CACNG4: variants seen among roughly 807,000 people sequenced by gnomAD.
The protein encoded by CACNG4 is voltage-dependent calcium channel gamma-4 subunit.
Under a neutral mutation model 22.9 loss-of-function variants are expected in CACNG4, and 8 were observed. The observed-to-expected ratio is 0.35, with a 90% CI of 0.21 to 0.63. CACNG4 has a LOEUF of 0.63. Among genes scored for constraint, CACNG4 ranks in the 30% least tolerant of loss-of-function variants. The pLI, the probability that CACNG4 is intolerant of heterozygous loss-of-function variation, is 0.72. For synonymous variants in CACNG4, 188 were observed against 191.9 expected (o/e 0.98, Z 0.17); for missense variants, 357 against 455.4 (o/e 0.78, Z 1.97).
chr17:66,994,413 CGCGTGTTTGCCTTGCCCTCACCCT>C (rs1184484918), intron 1 of CACNG4, among the ~76,000 whole-genome samples: 1 of 152,058 alleles, frequency 6.6e-6, no homozygotes, highest in Non-Finnish European at 1.5e-5. Context: ...GTCAGGACCT[CGCGTGTTTGCCTTGCCCTCACCCT>C]GGGAGATAGA....
intron 1 of CACNG4, among the ~76,000 whole-genome samples, chr17:66,993,081 A>T (rs2035351248): frequency 6.6e-6 from 1 of 152,078 alleles, no homozygotes; most frequent in African/African-American, 2.4e-5. Context: ...TCAGGGTGGC[A>T]CCTGTGGTGC....
At chr17:67,019,080 G>A (rs988007625) in intron 2 of CACNG4, among the ~76,000 whole-genome samples, 3 of 152,108 alleles carry the variant, frequency 2.0e-5, no homozygotes, top group African/African-American at 7.2e-5. Flanking sequence ...CATTAACCAA[G>A]ACACACAAAG....
chr17:66,981,693 C>T (rs1199291674), intron 1 of CACNG4, among the ~76,000 whole-genome samples: 2 of 152,208 alleles, frequency 1.3e-5, no homozygotes, highest in Non-Finnish European at 2.9e-5. Context: ...GCTGCTTATC[C>T]ATTCAACACC....
intron 1 of CACNG4, among the ~76,000 whole-genome samples, chr17:66,965,594 G>GTCTGTGCT (rs1226047282): frequency 6.6e-6 from 1 of 150,494 alleles, no homozygotes; most frequent in Non-Finnish European, 1.5e-5. Context: ...GGCAACCGGT[G>GTCTGTGCT]TCTGTGCTAT....
intron 1 of CACNG4, among the ~76,000 whole-genome samples, chr17:66,990,359 C>T (rs2035331824): frequency 6.6e-6 from 1 of 152,202 alleles, no homozygotes; most frequent in Admixed American, 6.5e-5. Flanking sequence ...TCTCTGATTT[C>T]TTCCCCTCCA....
intron 1 of CACNG4, among the ~76,000 whole-genome samples, chr17:66,978,192 C>T (rs2035249563): frequency 6.6e-6 from 1 of 152,182 alleles, no homozygotes; most frequent in Non-Finnish European, 1.5e-5. Flanking sequence ...GGGCCTTAAG[C>T]CAGTCATTGC....
chr17:67,014,956 A>AAG lies in CACNG4; in HGVS notation c.221-3232_221-3231insGA, dbSNP rs10699268. Among the ~76,000 whole-genome samples, 1,467 of 150,448 alleles carry AAG rather than the reference A, an allele frequency of 9.8e-3. 31 individuals carry two copies. Among genetic ancestry groups the AAG allele is most frequent in the African/African-American group, 0.035 (1,404 of 40,278 alleles). Reference sequence around the variant, plus strand: ...CATCTCCAAAAACAAAAAAAAAAAAAAAAGAAAGAAAGAAAGAAATAGCTG... The same window carrying AAG: ...CATCTCCAAAAACAAAAAAAAAAAAAAGAAAGAAAGAAAGAAAGAAATAGCTG... On this transcript the variant is annotated intron_variant, in intron 1 of 3. Coordinates refer to ENST00000262138, the MANE Select transcript of CACNG4 (RefSeq NM_014405.4).
intron 1 of CACNG4, among the ~76,000 whole-genome samples, chr17:66,997,931 A>G (rs751814459): frequency 2.0e-5 from 3 of 152,154 alleles, no homozygotes; most frequent in Non-Finnish European, 4.4e-5. Flanking sequence ...GAAGGAAGGG[A>G]AGGAGGAGGA....
chr17:67,009,422 C>T (rs1028810475), intron 1 of CACNG4, among the ~76,000 whole-genome samples: 3 of 152,156 alleles, frequency 2.0e-5, no homozygotes, highest in Admixed American at 1.3e-4. Context: ...CCAAGAACAT[C>T]GCTTATCATT....
chr17:66,989,546 A>G (rs929056243), intron 1 of CACNG4, among the ~76,000 whole-genome samples: 2 of 151,560 alleles, frequency 1.3e-5, no homozygotes, highest in Non-Finnish European at 2.9e-5. Context: ...CCATTCGAGG[A>G]TAAACTTCTG....
intron 2 of CACNG4, among the ~76,000 whole-genome samples, chr17:67,023,825 C>T (rs1223606315): frequency 1.3e-5 from 2 of 152,176 alleles, no homozygotes; most frequent in African/African-American, 2.4e-5. Flanking sequence ...GATCTGCCTG[C>T]CTTGGCCTCC....
intron 2 of CACNG4, chr17:67,021,476 T>G (rs2035531653): frequency 6.6e-6 from 1 of 152,308 alleles, no homozygotes; most frequent in Non-Finnish European, 1.5e-5. Context: ...CCCCGAGCCA[T>G]GCTTTCTGAA....
chr17:67,002,220 T>C (rs1252067409), intron 1 of CACNG4, among the ~76,000 whole-genome samples: 1 of 152,172 alleles, frequency 6.6e-6, no homozygotes, highest in South Asian at 2.1e-4. Flanking sequence ...CAAGAGAGCG[T>C]GTGCAGGGGA....
chr17:66,998,376 C>T (rs2035387726), intron 1 of CACNG4, among the ~76,000 whole-genome samples: 1 of 152,156 alleles, frequency 6.6e-6, no homozygotes, highest in African/African-American at 2.4e-5. Flanking sequence ...TGCACACCAC[C>T]ATGCCTAATT....
chr17:66,998,763 G>C (rs1029141580), intron 1 of CACNG4, among the ~76,000 whole-genome samples: 7 of 152,206 alleles, frequency 4.6e-5, no homozygotes, highest in African/African-American at 1.7e-4. Flanking sequence ...TTTCATTTGG[G>C]AACAATCTGC....
At chr17:67,015,284 A>G (rs936351311) in intron 1 of CACNG4, among the ~76,000 whole-genome samples, 4 of 152,194 alleles carry the variant, frequency 2.6e-5, no homozygotes, top group Non-Finnish European at 4.4e-5. Context: ...CAAAGCTTAC[A>G]TGCTGTATCA....
At chr17:66,998,275 T>A (rs2035387096) in intron 1 of CACNG4, among the ~76,000 whole-genome samples, 1 of 152,134 alleles carries the variant, frequency 6.6e-6, no homozygotes, top group Non-Finnish European at 1.5e-5. Context: ...CAGGCTGAAG[T>A]GCAGTGGTGC....
chr17:67,016,548 T>C (rs1451943145), intron 1 of CACNG4, among the ~76,000 whole-genome samples: 2 of 152,074 alleles, frequency 1.3e-5, no homozygotes, highest in Admixed American at 6.5e-5. Context: ...GCATGAGAGG[T>C]GGACGTGCAC....
chr17:66,983,832 G>A (rs971583306), intron 1 of CACNG4, among the ~76,000 whole-genome samples: 2 of 152,136 alleles, frequency 1.3e-5, no homozygotes, highest in East Asian at 1.9e-4. Context: ...CTCCCAGCTC[G>A]CACAAAGCAG....
Sources: gnomAD v4.1 joint callset for allele counts (sites outside exome capture counted in the v4.1 genomes callset) on GRCh38, gnomAD v4.1.1 for gene constraint, MANE v1.5 for transcripts, NCBI Gene and HGNC (gene_info 2026-07-23, HGNC 2026-07-21) for gene names.